The following NR5A2 variants were observed in gnomAD, a reference collection of about 807,000 sequenced individuals.
NR5A2 encodes the protein nuclear receptor subfamily 5 group A member 2.
In NR5A2, 26 loss-of-function variants were observed where a neutral mutation model predicts 62.7. The ratio of observed to expected loss-of-function variants is 0.41; its 90% CI spans 0.30 to 0.58. The LOEUF is 0.58. Ranked by LOEUF, NR5A2 falls within the 20% of genes least tolerant of loss-of-function variation. NR5A2 has a pLI of 0.22. For synonymous variants in NR5A2, 246 were observed against 241.7 expected (o/e 1.02, Z -0.16); for missense variants, 541 against 669.1 (o/e 0.81, Z 2.11).
At chr1:200,155,980 C>A (rs1332543848) in intron 7 of NR5A2, among the ~76,000 whole-genome samples, 2 of 152,054 alleles carry the variant, frequency 1.3e-5, no homozygotes, top group African/African-American at 4.8e-5. Context: ...GCCCAAAAAT[C>A]AAATTTTCAA....
chr1:200,121,214 T>C (rs1260096280), intron 7 of NR5A2, among the ~76,000 whole-genome samples: 1 of 152,206 alleles, frequency 6.6e-6, no homozygotes, highest in Non-Finnish European at 1.5e-5. Context: ...TTCCATAATA[T>C]ACAGATAAGC....
chr1:200,049,139 T>G (rs892582384), intron 5 of NR5A2, among the ~76,000 whole-genome samples: 1 of 152,126 alleles, frequency 6.6e-6, no homozygotes, highest in Non-Finnish European at 1.5e-5. Context: ...ACATTTCAAG[T>G]CAATGTGAAA....
rs769091935 is a variant in NR5A2 at position 200,048,746 on chromosome 1, C to T, written c.1038C>T (p.Cys346=). 2.5e-6 allele frequency: 4 copies of T among 1,614,068 alleles called. No homozygotes were observed. Among genetic ancestry groups the T allele is most frequent in the Admixed American group, 1.7e-5 (1 of 60,000 alleles). Residue 346 remains cysteine (C), a synonymous_variant, in exon 5 of 8, where the codon TGC becomes TGT. Transcript: ENST00000367362. This position sits in a 1 kb window ranked among gnomAD's most constrained non-coding sequence, Gnocchi z 4.8. ...AGCTGAGCACCTTTGGGCTTATGTG[C>T]AAAATGGCAGATCAAACTCTCTTCT... The part of the protein sequence containing the change: ...HEKLSTFGLM[C]KMADQTLFSI...
intron 7 of NR5A2, among the ~76,000 whole-genome samples, chr1:200,127,505 C>T (rs1358969840): frequency 4.0e-5 from 6 of 150,798 alleles, no homozygotes; most frequent in African/African-American, 1.2e-4. Context: ...GGTGAAACCT[C>T]GTCTCTACTA....
At chr1:200,095,349 A>G (rs1665037380) in intron 5 of NR5A2, among the ~76,000 whole-genome samples, 1 of 152,132 alleles carries the variant, frequency 6.6e-6, no homozygotes, top group Admixed American at 6.5e-5. Context: ...TGCTGTGTTC[A>G]GCCTAGTGAG....
rs79301441 is a variant in NR5A2, at chr1:200,052,026, C to G, written c.1110+3208C>G. Among the ~76,000 whole-genome samples the G allele has an allele frequency of 3.1e-3, 475 of 152,268 alleles. 1 individual carries two copies. Among genetic ancestry groups the G allele is most frequent in the African/African-American group, 7.5e-3 (311 of 41,564 alleles). On this transcript the variant is annotated intron_variant, in intron 5 of 7. Coordinates refer to ENST00000367362, the MANE Select transcript of NR5A2 (RefSeq NM_205860.3). Reference sequence around the variant, plus strand: ...AGCCACGCACTCTGATATTTTCTATCTATTCTACTTTAGTCTAATTTATTT... The same window carrying G: ...AGCCACGCACTCTGATATTTTCTATGTATTCTACTTTAGTCTAATTTATTT...
rs1359965811 is a variant in NR5A2 at position 200,039,014 on chromosome 1, C to G, written c.65-644C>G. 1.3e-5 allele frequency among the ~76,000 whole-genome samples: 2 copies of G among 152,018 alleles called. No homozygotes were observed. Among genetic ancestry groups the G allele is most frequent in the Admixed American group, 6.5e-5 (1 of 15,270 alleles). ...ACCTCCTTCTCCCCCTCGTCTTCCC[C>G]CCTGTCCTTCCCAGCACCGTCACCC... is the stretch of plus-strand genomic sequence containing the variant. On this transcript the variant is annotated intron_variant, in intron 1 of 7. Transcript: ENST00000367362. This position sits in a 1 kb window ranked among gnomAD's most constrained non-coding sequence, Gnocchi z 5.1.
chr1:200,058,667 C>T (rs1048311733), intron 5 of NR5A2, among the ~76,000 whole-genome samples: 12 of 151,300 alleles, frequency 7.9e-5, no homozygotes, highest in African/African-American at 2.7e-4. Context: ...TTAGTAGAGG[C>T]GGGGTTTCAC....
chr1:200,034,782 G>GTT (rs1661695073), intron 1 of NR5A2, among the ~76,000 whole-genome samples: 1 of 99,790 alleles, frequency 1.0e-5, no homozygotes, highest in Admixed American at 1.2e-4. Flanking sequence ...CAGCAGAAAG[G>GTT]CTTTTTTTTT....
In NR5A2 at chr1:200,074,736, C is replaced by CAAAAAAAAAAAAAAAAAAA. The variant is rs199556915; in HGVS notation, c.1110+25920_1110+25938dup. On this transcript the variant is annotated intron_variant, in intron 5 of 7. Coordinates refer to ENST00000367362, the MANE Select transcript of NR5A2 (RefSeq NM_205860.3). Reference sequence around the variant, plus strand: ...TGGGCGACAGGGCGAGAGTCCATCTCAAAAAAAAAAAAAAAAAAAACACGA... The same window carrying CAAAAAAAAAAAAAAAAAAA: ...TGGGCGACAGGGCGAGAGTCCATCTCAAAAAAAAAAAAAAAAAAAAAAAAAAAAAAAAAAAAAAACACGA... Among the ~76,000 whole-genome samples the CAAAAAAAAAAAAAAAAAAA allele has an allele frequency of 2.7e-3, 182 of 67,520 alleles. 7 individuals are homozygous for CAAAAAAAAAAAAAAAAAAA. Among genetic ancestry groups the CAAAAAAAAAAAAAAAAAAA allele is most frequent in the African/African-American group, 5.2e-3 (86 of 16,542 alleles). 44.3% of individuals were successfully genotyped at this position (67,520 alleles called of 152,430 possible). A position where few individuals can be genotyped will look rare whatever the true frequency, so the allele number is the denominator to read the frequency against.
chr1:200,129,137 A>G (rs1666854383), intron 7 of NR5A2, among the ~76,000 whole-genome samples: 1 of 152,134 alleles, frequency 6.6e-6, no homozygotes, highest in Non-Finnish European at 1.5e-5. Flanking sequence ...GACTGGCCCC[A>G]TACCCCAGGC....
intron 5 of NR5A2, among the ~76,000 whole-genome samples, chr1:200,110,104 CCT>C (rs1236652200): frequency 1.3e-5 from 2 of 152,184 alleles, no homozygotes; most frequent in East Asian, 1.9e-4. Flanking sequence ...CTCTGACACC[CCT>C]GTTTTCTCAT....
intron 5 of NR5A2, among the ~76,000 whole-genome samples, chr1:200,098,177 C>A (rs1665189495): frequency 6.6e-6 from 1 of 152,138 alleles, no homozygotes. Flanking sequence ...ACAACTTCAC[C>A]TCTGAGTCTT....
rs773335486 is a variant in NR5A2 at position 200,115,057 on chromosome 1, TTAG to T, written c.1230+3741_1230+3743del. Among the ~76,000 whole-genome samples the T allele has an allele frequency of 8.7e-4, 133 of 152,026 alleles. No individual in the cohort carries two copies. The Middle Eastern group carries it at 0.014, about 16-fold the overall frequency. The stretch of plus-strand genomic sequence containing the variant: ...TATGCTTTTTTTGTGGTTTAGTTAG[TTAG>T]TAGTTTGTTTTTGGGGGAATTTTCT... On this transcript the variant is annotated intron_variant, in intron 6 of 7. Coordinates refer to ENST00000367362, the MANE Select transcript of NR5A2 (RefSeq NM_205860.3).
intron 5 of NR5A2, among the ~76,000 whole-genome samples, chr1:200,078,608 A>G (rs927447777): frequency 2.0e-5 from 3 of 152,122 alleles, no homozygotes; most frequent in Non-Finnish European, 2.9e-5. Context: ...TTCTTCCAAT[A>G]TACCCCTCTA....
intron 5 of NR5A2, among the ~76,000 whole-genome samples, chr1:200,070,506 C>T (rs1663689695): frequency 6.6e-6 from 1 of 151,722 alleles, no homozygotes; most frequent in Non-Finnish European, 1.5e-5. Flanking sequence ...GCATAGTGAC[C>T]CTGTCTCTAC....
At chr1:200,111,470 C>T in intron 6 of NR5A2, 149 bp downstream of exon 6, 1 of 800,902 alleles carries the variant, frequency 1.2e-6, no homozygotes, top group Non-Finnish European at 1.9e-6. Context: ...TTGGTGCACT[C>T]TGTTCCTGCT....
intron 7 of NR5A2, among the ~76,000 whole-genome samples, chr1:200,127,546 G>A (rs1349872640): frequency 1.3e-5 from 2 of 150,712 alleles, no homozygotes; most frequent in East Asian, 3.9e-4. Context: ...GTGTGGTGGT[G>A]GGCACCTGTA....
chr1:200,056,587 G>A (rs1662926534), intron 5 of NR5A2, among the ~76,000 whole-genome samples: 1 of 151,964 alleles, frequency 6.6e-6, no homozygotes, highest in South Asian at 2.1e-4. Flanking sequence ...TTTATTCGTT[G>A]AGTATACATT....
Sources: allele counts gnomAD v4.1 joint callset (sites outside exome capture counted in the v4.1 genomes callset), GRCh38; gene constraint gnomAD v4.1.1; non-coding constraint Gnocchi (gnomAD v3.1); transcripts MANE v1.5; gene names NCBI Gene and HGNC (gene_info 2026-07-23, HGNC 2026-07-21).